Variants in PJA2 observed in about 807,000 individuals in gnomAD.
The protein encoded by PJA2 is E3 ubiquitin-protein ligase Praja-2.
PJA2 carries 25 observed loss-of-function variants against 69.3 expected under a neutral mutation model. That is an observed-to-expected ratio of 0.36 (90% CI 0.26 to 0.50). The LOEUF is 0.50. Ranked by LOEUF, PJA2 falls within the 20% of genes least tolerant of loss-of-function variation. The pLI, the probability that PJA2 is intolerant of heterozygous loss-of-function variation, is 0.96. For missense variants in PJA2, 809 were observed against 830.2 expected, an observed-to-expected ratio of 0.97 and a Z score of 0.31; for synonymous variants, 308 against 277.8, an observed-to-expected ratio of 1.11 and a Z score of -1.08.
chr5:109,386,085 G>C (rs895492769), intron 1 of PJA2, among the ~76,000 whole-genome samples: 1 of 151,304 alleles, frequency 6.6e-6, no homozygotes, highest in Non-Finnish European at 1.5e-5. Context: ...GAAGGCCAAG[G>C]CAAGCAATCA....
At chr5:109,354,716 TAA>T (rs1762382419) in intron 7 of PJA2, among the ~76,000 whole-genome samples, 1 of 147,098 alleles carries the variant, frequency 6.8e-6, no homozygotes, top group African/African-American at 2.5e-5. Flanking sequence ...TAGATATATC[TAA>T]TATATATTAT....
chr5:109,339,493 G>T (rs962064961), intron 9 of PJA2, among the ~76,000 whole-genome samples: 1 of 152,186 alleles, frequency 6.6e-6, no homozygotes, highest in Non-Finnish European at 1.5e-5. Flanking sequence ...AGGAAATAAA[G>T]TAGGTCACTA....
intron 1 of PJA2, among the ~76,000 whole-genome samples, chr5:109,402,851 G>A (rs1411257022): frequency 1.3e-5 from 2 of 151,978 alleles, no homozygotes; most frequent in Non-Finnish European, 1.5e-5. Context: ...CAACCTTCAT[G>A]GGTCAAAGTG....
chr5:109,354,630 T>G (rs1366367584), intron 7 of PJA2, among the ~76,000 whole-genome samples: 2 of 145,452 alleles, frequency 1.4e-5, no homozygotes, highest in African/African-American at 5.0e-5. Context: ...CGATATTAGA[T>G]ATATTAGATA....
chr5:109,377,320 T>C (rs1300516760), intron 4 of PJA2, among the ~76,000 whole-genome samples: 4 of 152,132 alleles, frequency 2.6e-5, no homozygotes, highest in Non-Finnish European at 5.9e-5. Flanking sequence ...TAATAAAATC[T>C]TGCAATTGCA....
intron 1 of PJA2, chr5:109,390,521 T>C (rs1747259549): frequency 6.6e-6 from 1 of 152,030 alleles, no homozygotes; most frequent in Non-Finnish European, 1.5e-5. Flanking sequence ...CACTTATATA[T>C]AATGTCTGAT....
chr5:109,387,516 A>T (rs544784635), intron 1 of PJA2, among the ~76,000 whole-genome samples: 1 of 152,184 alleles, frequency 6.6e-6, no homozygotes, highest in Non-Finnish European at 1.5e-5. Flanking sequence ...TTCACCTAAC[A>T]TGTTTATAAC....
intron 4 of PJA2, 42 bp downstream of exon 4, chr5:109,378,162 C>A: frequency 7.0e-7 from 1 of 1,422,612 alleles, no homozygotes; most frequent in South Asian, 1.3e-5. Context: ...GAAACCACTT[C>A]ATTTACTACA....
At chr5:109,393,841 T>A (rs1747337529) in intron 1 of PJA2, among the ~76,000 whole-genome samples, 1 of 151,946 alleles carries the variant, frequency 6.6e-6, no homozygotes, top group Non-Finnish European at 1.5e-5. Context: ...ATGAATGAAA[T>A]GAAAAACAGC....
intron 4 of PJA2, among the ~76,000 whole-genome samples, chr5:109,372,031 CTTTT>C (rs556905553): frequency 1.8e-4 from 27 of 152,206 alleles, no homozygotes; most frequent in African/African-American, 4.3e-4. Flanking sequence ...GTTAGCGAGT[CTTTT>C]TTTAACATTT....
Position 109,379,217 on chromosome 5 carries a change from G to A in PJA2, c.270C>T (p.Pro90=), listed in dbSNP as rs11541064. The change falls in exon 4 of 10, where the codon CCC becomes CCT. Residue 90 remains proline, a synonymous_variant. Coordinates refer to ENST00000361189, the MANE Select transcript of PJA2 (RefSeq NM_014819.5). ...CACTTTTTTCAAATATAGGTTCACT[G>A]GGTAAAGAAGAATCAACTTGATCCA... ...SPLDQVDSSL[P]SEPIFEKSET... 6.2e-7 allele frequency: 1 copy of A among 1,612,590 alleles called. No homozygotes were observed. The highest frequency in any genetic ancestry group is 1.1e-5 in the South Asian group (1 of 90,826).
chr5:109,372,031 C>CT (rs556905553), intron 4 of PJA2, among the ~76,000 whole-genome samples: 6 of 152,088 alleles, frequency 3.9e-5, no homozygotes, highest in Non-Finnish European at 5.9e-5. Context: ...GTTAGCGAGT[C>CT]TTTTTTTAAC....
chr5:109,381,099 A>G (rs938898611), intron 3 of PJA2, among the ~76,000 whole-genome samples: 1 of 151,632 alleles, frequency 6.6e-6, no homozygotes, highest in African/African-American at 2.4e-5. Flanking sequence ...GGGCAACAGA[A>G]CGTGACTCCA....
At chr5:109,364,179 G>A (rs1762543187) in intron 5 of PJA2, among the ~76,000 whole-genome samples, 1 of 151,950 alleles carries the variant, frequency 6.6e-6, no homozygotes, top group Non-Finnish European at 1.5e-5. Flanking sequence ...TCAACAAAAT[G>A]TACTGGGACA....
intron 5 of PJA2, 78 bp from the exon 6 acceptor site, chr5:109,363,100 G>A: frequency 8.1e-7 from 1 of 1,235,204 alleles, no homozygotes; most frequent in Non-Finnish European, 1.1e-6. Context: ...TCTATTCCAT[G>A]CAAGTGGATT....
At chr5:109,369,340 C>T (rs1227160614) in intron 4 of PJA2, among the ~76,000 whole-genome samples, 2 of 152,140 alleles carry the variant, frequency 1.3e-5, no homozygotes, top group Non-Finnish European at 2.9e-5. Context: ...TAGAGTGTGA[C>T]TCTTTGAAAA....
At chr5:109,342,547 G>T (rs1446380357) in intron 9 of PJA2, among the ~76,000 whole-genome samples, 1 of 110,536 alleles carries the variant, frequency 9.0e-6, no homozygotes. Context: ...CCCCCACCCG[G>T]CCAGCCGCCC....
intron 9 of PJA2, among the ~76,000 whole-genome samples, chr5:109,342,176 C>T (rs1762080142): frequency 9.5e-6 from 1 of 104,778 alleles, no homozygotes; most frequent in Admixed American, 9.1e-5. Context: ...CCCGGCCAGC[C>T]GCCCCGTCCG....
intron 1 of PJA2, among the ~76,000 whole-genome samples, chr5:109,389,420 G>A (rs1264168979): frequency 6.6e-6 from 1 of 152,078 alleles, no homozygotes; most frequent in Non-Finnish European, 1.5e-5. Flanking sequence ...GTTGTCAAAT[G>A]TATTATCAAG....
Sources: gnomAD v4.1 joint callset for allele counts (sites outside exome capture counted in the v4.1 genomes callset) on GRCh38, gnomAD v4.1.1 for gene constraint, MANE v1.5 for transcripts, NCBI Gene and HGNC (gene_info 2026-07-23, HGNC 2026-07-21) for gene names.